GLIS3: variants seen among roughly 807,000 people sequenced by gnomAD.
GLIS3 encodes zinc finger protein GLIS3.
GLIS3 carries 53 observed loss-of-function variants against 78.6 expected under a neutral mutation model. The observed-to-expected ratio is 0.67, with a 90% CI of 0.54 to 0.85. The LOEUF (loss-of-function observed/expected upper bound fraction) is 0.85, where lower values mean the gene tolerates loss of function less well. Among genes scored for constraint, GLIS3 ranks in the 40% least tolerant of loss-of-function variants. GLIS3 has a pLI of 0.00. For missense variants in GLIS3, 1,703 were observed against 1,231.1 expected (o/e 1.38, Z -5.74); for synonymous variants, 684 against 509.9 (o/e 1.34, Z -4.60).
At chr9:3,945,813 T>A (rs1481104138) in intron 4 of GLIS3, among the ~76,000 whole-genome samples, 1 of 151,108 alleles carries the variant, frequency 6.6e-6, no homozygotes, top group Non-Finnish European at 1.5e-5. Context: ...CAAAACAAAA[T>A]AAAAAGTAGA....
intron 4 of GLIS3, among the ~76,000 whole-genome samples, chr9:3,991,683 ATTTTTT>A (rs59495657): frequency 4.4e-4 from 39 of 87,908 alleles, no homozygotes; most frequent in African/African-American, 1.8e-3. Flanking sequence ...AAGTAGGCTG[ATTTTTT>A]TTTTTTTTTT....
the GLIS3 span, among the ~76,000 whole-genome samples, chr9:4,478,843 G>A: frequency 6.6e-6 from 1 of 152,156 alleles, no homozygotes; most frequent in Non-Finnish European, 1.5e-5. Flanking sequence ...TATGTGAAGG[G>A]TTGATGGTGA....
chr9:4,212,670 A>G (rs1482431753), intron 2 of GLIS3, among the ~76,000 whole-genome samples: 1 of 152,226 alleles, frequency 6.6e-6, no homozygotes, highest in Non-Finnish European at 1.5e-5. Flanking sequence ...GATGAGGCCA[A>G]AGGAAAAGAG....
chr9:3,968,829 A>G (rs1483677544), intron 4 of GLIS3, among the ~76,000 whole-genome samples: 1 of 152,248 alleles, frequency 6.6e-6, no homozygotes, highest in Non-Finnish European at 1.5e-5. Flanking sequence ...AGTCTGAATT[A>G]CCAAATACAT....
At chr9:4,237,634 T>C (rs773439577) in intron 2 of GLIS3, among the ~76,000 whole-genome samples, 14 of 152,228 alleles carry the variant, frequency 9.2e-5, no homozygotes, top group Non-Finnish European at 1.5e-4. Flanking sequence ...CCCAATTCCA[T>C]AAATGTACAT....
intron 1 of GLIS3, among the ~76,000 whole-genome samples, chr9:4,287,936 C>T (rs745767774): frequency 6.6e-6 from 1 of 152,164 alleles, no homozygotes; most frequent in Non-Finnish European, 1.5e-5. Context: ...CTTACTAATT[C>T]TCTATTTTCA....
At chr9:4,006,524 G>C (rs1277476175) in intron 4 of GLIS3, among the ~76,000 whole-genome samples, 1 of 152,146 alleles carries the variant, frequency 6.6e-6, no homozygotes, top group African/African-American at 2.4e-5. Context: ...TTGCTGGTGA[G>C]GGGTGCAGGA....
intron 6 of GLIS3, among the ~76,000 whole-genome samples, chr9:3,904,200 A>T (rs1182053792): frequency 6.6e-6 from 1 of 152,192 alleles, no homozygotes; most frequent in Admixed American, 6.5e-5. Context: ...TGACTGCTGT[A>T]CTGTGGAATT....
chr9:4,348,510 C>A (rs990406481), upstream of GLIS3: 1 of 152,222 alleles, frequency 6.6e-6, no homozygotes, highest in Admixed American at 6.5e-5. Flanking sequence ...CTACTTATAT[C>A]TCATTGGCCA....
chr9:4,137,338 A>ATG (rs1225173743), intron 2 of GLIS3, among the ~76,000 whole-genome samples: 1 of 152,126 alleles, frequency 6.6e-6, no homozygotes, highest in African/African-American at 2.4e-5. Context: ...TGAATCTTCC[A>ATG]TGTTTATCCC....
intron 2 of GLIS3, among the ~76,000 whole-genome samples, chr9:4,192,138 C>G (rs1470898562): frequency 6.6e-6 from 1 of 152,102 alleles, no homozygotes; most frequent in Non-Finnish European, 1.5e-5. Context: ...AGAATTGATG[C>G]TCTTAAAAAC....
At chr9:4,285,118 G>A (rs916601958) in intron 2 of GLIS3, among the ~76,000 whole-genome samples, 3 of 152,130 alleles carry the variant, frequency 2.0e-5, no homozygotes, top group Non-Finnish European at 4.4e-5. Context: ...AATTCTATTT[G>A]CTGGTGTAAG....
chr9:4,168,514 T>C (rs898072717), intron 2 of GLIS3, among the ~76,000 whole-genome samples: 2 of 152,152 alleles, frequency 1.3e-5, no homozygotes, highest in Non-Finnish European at 2.9e-5. Flanking sequence ...TGAAATTGAA[T>C]TGTGATAAAA....
At chr9:4,018,110 G>A (rs1454092997) in intron 4 of GLIS3, among the ~76,000 whole-genome samples, 3 of 152,154 alleles carry the variant, frequency 2.0e-5, no homozygotes, top group South Asian at 4.1e-4. Flanking sequence ...AAACTCTTCC[G>A]ATAAAGGAAT....
chr9:4,062,821 T>A (rs10974311), intron 4 of GLIS3, among the ~76,000 whole-genome samples: 7 of 151,426 alleles, frequency 4.6e-5, no homozygotes, highest in African/African-American at 1.7e-4. Flanking sequence ...CCCAGCTACT[T>A]GGGAGGCTGA....
chr9:3,872,228 G>C (rs571135223), intron 8 of GLIS3, among the ~76,000 whole-genome samples: 1 of 152,276 alleles, frequency 6.6e-6, no homozygotes, highest in Non-Finnish European at 1.5e-5. Flanking sequence ...CATTCAACAA[G>C]TCTCTAGGAA....
At chr9:3,926,045 C>T (rs1427208970) in intron 6 of GLIS3, among the ~76,000 whole-genome samples, 1 of 152,178 alleles carries the variant, frequency 6.6e-6, no homozygotes, top group Non-Finnish European at 1.5e-5. Context: ...ATGCTTTTCA[C>T]TGTCTAGCAT....
intron 4 of GLIS3, among the ~76,000 whole-genome samples, chr9:4,306,665 T>C (rs1031603713): frequency 2.6e-5 from 4 of 152,232 alleles, no homozygotes; most frequent in African/African-American, 7.2e-5. Flanking sequence ...GAAGGAATCA[T>C]AGAGAAATGT....
chr9:3,873,665 T>TA (rs1256077122), intron 8 of GLIS3, among the ~76,000 whole-genome samples: 1 of 150,896 alleles, frequency 6.6e-6, no homozygotes, highest in Non-Finnish European at 1.5e-5. Context: ...AAAATAAAGA[T>TA]AAAAAATAAA....
Sources: allele counts gnomAD v4.1 joint callset (sites outside exome capture counted in the v4.1 genomes callset), GRCh38; gene constraint gnomAD v4.1.1; transcripts MANE v1.5; gene names NCBI Gene and HGNC (gene_info 2026-07-23, HGNC 2026-07-21).